The following GRID1 variants were observed in gnomAD, a reference collection of about 807,000 sequenced individuals.
The protein encoded by GRID1 is glutamate receptor ionotropic, delta-1.
Under a neutral mutation model 98.0 loss-of-function variants are expected in GRID1, and 28 were observed. That is an observed-to-expected ratio of 0.29 (90% CI 0.21 to 0.39). The LOEUF is 0.39. Among genes scored for constraint, GRID1 ranks in the 10% least tolerant of loss-of-function variants. The pLI is 1.00. For synonymous variants in GRID1, 553 were observed against 538.5 expected (o/e 1.03, Z -0.37); for missense variants, 1,111 against 1,340.5 (o/e 0.83, Z 2.67).
At chr10:86,009,334 T>G (rs1842899777) in intron 4 of GRID1, among the ~76,000 whole-genome samples, 1 of 152,028 alleles carries the variant, frequency 6.6e-6, no homozygotes, top group South Asian at 2.1e-4. Context: ...GTGAGATAAA[T>G]TGGGATTTAA....
At chr10:85,972,495 T>A (rs1041007315) in intron 4 of GRID1, among the ~76,000 whole-genome samples, 1 of 148,920 alleles carries the variant, frequency 6.7e-6, no homozygotes, top group Non-Finnish European at 1.5e-5. Flanking sequence ...TTTATATATT[T>A]AATTTTTATG....
intron 4 of GRID1, among the ~76,000 whole-genome samples, chr10:86,021,256 T>C (rs1843045186): frequency 6.6e-6 from 1 of 152,194 alleles, no homozygotes; most frequent in South Asian, 2.1e-4. Context: ...CTGGTAAGAA[T>C]CTCAGGAGAG....
At chr10:86,267,987 G>A (rs1455807892) in intron 2 of GRID1, among the ~76,000 whole-genome samples, 4 of 152,336 alleles carry the variant, frequency 2.6e-5, no homozygotes, top group African/African-American at 4.8e-5. Flanking sequence ...ACTGCTCTGC[G>A]CACCCACAGC....
intron 2 of GRID1, among the ~76,000 whole-genome samples, chr10:86,302,157 G>A (rs1847698288): frequency 6.6e-6 from 1 of 152,204 alleles, no homozygotes; most frequent in Non-Finnish European, 1.5e-5. Context: ...ACAGCCAGGT[G>A]AGGTCTCTGC....
chr10:86,316,878 T>C (rs1847907036), intron 2 of GRID1, among the ~76,000 whole-genome samples: 1 of 152,232 alleles, frequency 6.6e-6, no homozygotes, highest in East Asian at 1.9e-4. Flanking sequence ...TATTACAAGC[T>C]AGTGCTTCTC....
chr10:85,696,243 T>A (rs1419839845), intron 12 of GRID1, among the ~76,000 whole-genome samples: 1 of 152,002 alleles, frequency 6.6e-6, no homozygotes, highest in African/African-American at 2.4e-5. Context: ...AGTAAGCACA[T>A]AAGTACATAA....
chr10:85,892,113 G>A (rs1841209658), intron 5 of GRID1, among the ~76,000 whole-genome samples: 1 of 150,070 alleles, frequency 6.7e-6, no homozygotes, highest in African/African-American at 2.4e-5. Context: ...AAATACACTG[G>A]ATAAAATTAA....
chr10:85,865,341 T>G (rs1463044496), intron 6 of GRID1, among the ~76,000 whole-genome samples: 1 of 152,178 alleles, frequency 6.6e-6, no homozygotes, highest in African/African-American at 2.4e-5. Context: ...TAATAGTTCT[T>G]GGTTGGCTTT....
chr10:86,258,228 C>A (rs1045138086), intron 2 of GRID1, among the ~76,000 whole-genome samples: 2 of 151,974 alleles, frequency 1.3e-5, no homozygotes, highest in African/African-American at 4.8e-5. Context: ...AAAAATACTA[C>A]CAATTATTTT....
At chr10:86,143,414 T>C (rs1845037752) in intron 3 of GRID1, among the ~76,000 whole-genome samples, 1 of 151,736 alleles carries the variant, frequency 6.6e-6, no homozygotes, top group African/African-American at 2.4e-5. Flanking sequence ...GACTGTCTGC[T>C]GCTGCTGCTC....
At chr10:86,163,206 G>A (rs1358077555) in intron 3 of GRID1, among the ~76,000 whole-genome samples, 1 of 152,142 alleles carries the variant, frequency 6.6e-6, no homozygotes, top group African/African-American at 2.4e-5. Context: ...GGGAGTGGGA[G>A]CAGCACAGCC....
chr10:86,330,925 T>C (rs552108038), intron 2 of GRID1, among the ~76,000 whole-genome samples: 1 of 152,260 alleles, frequency 6.6e-6, no homozygotes, highest in African/African-American at 2.4e-5. Context: ...CCACAGCAAG[T>C]TCCCGCAGCC....
chr10:85,770,305 T>A (rs1842248897), intron 8 of GRID1, among the ~76,000 whole-genome samples: 1 of 151,866 alleles, frequency 6.6e-6, no homozygotes, highest in Non-Finnish European at 1.5e-5. Context: ...AGAAAGGACA[T>A]CCACACCAAA....
chr10:85,737,649 TATATATATATATATATATATATATAAAC>T (rs1841897247), intron 8 of GRID1, among the ~76,000 whole-genome samples: 1 of 60,746 alleles, frequency 1.6e-5, no homozygotes, highest in Admixed American at 1.6e-4. Flanking sequence ...AAGCCAGATA[TATATATATATATATATATATATATAAAC>T]ATATATGGTT....
At chr10:86,118,567 A>C (rs747942808) in intron 4 of GRID1, among the ~76,000 whole-genome samples, 12 of 152,210 alleles carry the variant, frequency 7.9e-5, no homozygotes, top group Non-Finnish European at 1.5e-4. Context: ...TAGATACTCC[A>C]CTCTTGAGAG....
At chr10:85,865,986 GAGAGAGAGA>G (rs1843217469) in intron 6 of GRID1, among the ~76,000 whole-genome samples, 1 of 131,978 alleles carries the variant, frequency 7.6e-6, no homozygotes, top group Non-Finnish European at 1.6e-5. Context: ...GAGAGAGAGA[GAGAGAGAGA>G]GAGGCATCTA....
rs115245400 is a variant in GRID1, at chr10:85,762,639, G to C, written c.1234-33025C>G. On this transcript the variant is annotated intron_variant, in intron 8 of 15. Coordinates refer to ENST00000327946, the MANE Select transcript of GRID1 (RefSeq NM_017551.3). ...CCAGAGAGAGGGCAAAAGGCTGCCAGCTCCCTATCCCTACCTGCTGACCAA... is the reference window on the plus strand; with the variant it reads ...CCAGAGAGAGGGCAAAAGGCTGCCACCTCCCTATCCCTACCTGCTGACCAA... 9.5e-4 allele frequency among the ~76,000 whole-genome samples: 144 copies of C among 152,292 alleles called. 1 individual carries two copies. Among genetic ancestry groups the C allele is most frequent in the African/African-American group, 3.4e-3 (140 of 41,556 alleles).
intron 12 of GRID1, among the ~76,000 whole-genome samples, chr10:85,702,950 T>C (rs1445517771): frequency 2.2e-5 from 3 of 136,920 alleles, no homozygotes; most frequent in Non-Finnish European, 4.8e-5. Context: ...AAAAAGAAGA[T>C]GAAAAAATGA....
In GRID1 at chr10:86,323,432, A is replaced by G. The variant is rs374770107; in HGVS notation, c.235+40509T>C. On this transcript the variant is annotated intron_variant, in intron 2 of 15. Coordinates refer to ENST00000327946, the MANE Select transcript of GRID1 (RefSeq NM_017551.3). ...TGGATGCATACAAGTCAATGAAACAATATCTCCAAAGAGCTTAGGAGAGAA... is the reference window on the plus strand; with the variant it reads ...TGGATGCATACAAGTCAATGAAACAGTATCTCCAAAGAGCTTAGGAGAGAA... Among the ~76,000 whole-genome samples, 20 of 152,384 alleles carry G rather than the reference A, an allele frequency of 1.3e-4. No individual in the cohort carries two copies. In the East Asian group the frequency reaches 3.9e-3, roughly 29 times the overall value.
Sources: allele counts gnomAD v4.1 joint callset (sites outside exome capture counted in the v4.1 genomes callset), GRCh38; gene constraint gnomAD v4.1.1; transcripts MANE v1.5; gene names NCBI Gene and HGNC (gene_info 2026-07-23, HGNC 2026-07-21).